The following COL21A1 variants were observed in gnomAD, a reference collection of about 807,000 sequenced individuals.
The protein encoded by COL21A1 is collagen type XXI alpha 1 chain.
COL21A1 carries 149 observed loss-of-function variants against 137.9 expected under a neutral mutation model. That is an observed-to-expected ratio of 1.08 (90% CI 0.95 to 1.24). The LOEUF is 1.24. COL21A1 is among the 50% of genes most tolerant of loss of function. The pLI is 0.00. For synonymous variants in COL21A1, 456 were observed against 391.5 expected, an observed-to-expected ratio of 1.16 and a Z score of -1.95; for missense variants, 1,167 against 1,158.4, an observed-to-expected ratio of 1.01 and a Z score of -0.11.
chr6:56,147,981 C>T (rs1041330907), intron 10 of COL21A1, among the ~76,000 whole-genome samples: 7 of 152,120 alleles, frequency 4.6e-5, no homozygotes, highest in African/African-American at 1.7e-4. Context: ...AACCCTCCCT[C>T]ATAGGCTGTC....
At chr6:56,128,618 G>A (rs1002936408) in intron 12 of COL21A1, among the ~76,000 whole-genome samples, 5 of 152,108 alleles carry the variant, frequency 3.3e-5, no homozygotes, top group African/African-American at 7.2e-5. Flanking sequence ...GAAGGAGGTC[G>A]CCACATGAGT....
rs147038310 is a variant in COL21A1 at position 56,169,972 on chromosome 6, T to A, written c.1026+677A>T. Among the ~76,000 whole-genome samples, 699 of 152,054 alleles carry A rather than the reference T, an allele frequency of 4.6e-3. 10 individuals carry two copies. Among genetic ancestry groups the A allele is most frequent in the African/African-American group, 0.016 (671 of 41,552 alleles). On this transcript the variant is annotated intron_variant, in intron 5 of 29. Transcript: ENST00000244728. ...TGCATACTTTATATATATTACCATATATATTTCCTAAACTGTGTAATATGG... is the reference window on the plus strand; with the variant it reads ...TGCATACTTTATATATATTACCATAAATATTTCCTAAACTGTGTAATATGG...
intron 1 of COL21A1, among the ~76,000 whole-genome samples, chr6:56,390,536 G>A (rs1454167498): frequency 4.4e-5 from 4 of 91,910 alleles, no homozygotes; most frequent in Admixed American, 9.3e-5. Flanking sequence ...ACACACACAC[G>A]ACCCTACTAT....
At chr6:56,360,733 G>A (rs1396487825) in intron 1 of COL21A1, among the ~76,000 whole-genome samples, 1 of 152,090 alleles carries the variant, frequency 6.6e-6, no homozygotes, top group Admixed American at 6.5e-5. Context: ...AAGGATGCTG[G>A]AATTATTATC....
intron 12 of COL21A1, among the ~76,000 whole-genome samples, chr6:56,132,483 C>T (rs984805970): frequency 6.6e-6 from 1 of 152,074 alleles, no homozygotes; most frequent in African/African-American, 2.4e-5. Context: ...ATAATTAAAA[C>T]AATTCTGCAA....
intron 12 of COL21A1, among the ~76,000 whole-genome samples, chr6:56,129,034 A>C (rs143141988): frequency 2.0e-3 from 302 of 152,328 alleles, no homozygotes; most frequent in African/African-American, 7.0e-3. Flanking sequence ...TTCTCCAGAA[A>C]ATAAACTTTC....
At chr6:56,321,967 A>C (rs369246987) in intron 1 of COL21A1, among the ~76,000 whole-genome samples, 6 of 152,270 alleles carry the variant, frequency 3.9e-5, no homozygotes, top group African/African-American at 1.4e-4. Context: ...TCTATGCAAC[A>C]ACAACCAACC....
rs1426993738 is a variant in COL21A1, at chr6:56,320,037, C to A, written c.-39+73934G>T. On this transcript the variant is annotated intron_variant, in intron 1 of 28. Coordinates refer to the COL21A1 transcript ENST00000370819. ...AGACTCCTGGGTGTCTAACCACCTA[C>A]TTGACACCTCTACTTGGATACTTAA... Among the ~76,000 whole-genome samples the A allele has an allele frequency of 3.3e-5, 5 of 152,148 alleles. No individual in the cohort carries two copies. In the East Asian group the frequency reaches 9.6e-4, roughly 29 times the overall value.
At chr6:56,111,430 T>A (rs956161295) in intron 16 of COL21A1, among the ~76,000 whole-genome samples, 1 of 152,186 alleles carries the variant, frequency 6.6e-6, no homozygotes, top group African/African-American at 2.4e-5. Flanking sequence ...CAGTTGACAG[T>A]AATGTGCCAA....
At chr6:56,390,258 T>G (rs183318817) in intron 1 of COL21A1, among the ~76,000 whole-genome samples, 29 of 152,270 alleles carry the variant, frequency 1.9e-4, no homozygotes, top group Admixed American at 1.8e-3. Flanking sequence ...TCATCAACAT[T>G]GTCATCAGTT....
chr6:56,251,577 G>A (rs1782855702), upstream of COL21A1, among the ~76,000 whole-genome samples: 1 of 152,188 alleles, frequency 6.6e-6, no homozygotes. Flanking sequence ...ATGTGTGTGA[G>A]TGTGTATGTG....
intron 12 of COL21A1, chr6:56,126,506 G>A: frequency 5.1e-6 from 1 of 195,144 alleles, no homozygotes; most frequent in Non-Finnish European, 1.0e-5. Flanking sequence ...TAACCTCTGA[G>A]GTCCAATCCA....
chr6:56,247,089 G>A (rs972969795), intron 1 of COL21A1, among the ~76,000 whole-genome samples: 1 of 152,186 alleles, frequency 6.6e-6, no homozygotes, highest in Non-Finnish European at 1.5e-5. Flanking sequence ...GAGCTCAGGG[G>A]AGTAAATCAA....
chr6:56,392,094 G>A (rs532299738), intron 1 of COL21A1, among the ~76,000 whole-genome samples: 1 of 151,794 alleles, frequency 6.6e-6, no homozygotes, highest in East Asian at 1.9e-4. Context: ...GAACATAGAC[G>A]CAACAAAATA....
rs1213084309 is a variant in COL21A1, at chr6:56,089,623, T to C, written c.1812+11849A>G. On this transcript the variant is annotated intron_variant, in intron 17 of 29. Coordinates refer to ENST00000244728, the MANE Select transcript of COL21A1 (RefSeq NM_030820.4). ...AGTCTGTTTACATGACATCAACCCA[T>C]AAAAGTTAGACTTGATATCCTGTAT... Among the ~76,000 whole-genome samples the C allele has an allele frequency of 4.6e-5, 7 of 152,172 alleles. No individual in the cohort carries two copies. In the South Asian group the frequency reaches 1.4e-3, roughly 32 times the overall value.
At chr6:56,190,427 T>G (rs1778585312) in intron 1 of COL21A1, among the ~76,000 whole-genome samples, 1 of 152,048 alleles carries the variant, frequency 6.6e-6, no homozygotes. Flanking sequence ...AATAACAAGT[T>G]CTGAAATTGA....
At chr6:56,149,902 T>G (rs1775152808) in intron 10 of COL21A1, among the ~76,000 whole-genome samples, 1 of 152,202 alleles carries the variant, frequency 6.6e-6, no homozygotes, top group Admixed American at 6.5e-5. Context: ...CAAAGTAATT[T>G]CTTTTAAAAA....
At chr6:56,287,923 A>G (rs1302437250) in intron 1 of COL21A1, among the ~76,000 whole-genome samples, 1 of 152,096 alleles carries the variant, frequency 6.6e-6, no homozygotes. Flanking sequence ...GTCACAAGCC[A>G]AAGAATGCAG....
chr6:56,110,543 A>G (rs1189744626), intron 16 of COL21A1, among the ~76,000 whole-genome samples: 1 of 151,926 alleles, frequency 6.6e-6, no homozygotes, highest in East Asian at 1.9e-4. Flanking sequence ...AGAAGAAGAA[A>G]ACTGTCTTTA....
Sources: gnomAD v4.1 joint callset for allele counts (sites outside exome capture counted in the v4.1 genomes callset) on GRCh38, gnomAD v4.1.1 for gene constraint, MANE v1.5 for transcripts, NCBI Gene and HGNC (gene_info 2026-07-23, HGNC 2026-07-21) for gene names.